The following INPP5F variants were observed in gnomAD, a reference collection of about 807,000 sequenced individuals.
The protein encoded by INPP5F is phosphatidylinositide 4-phosphatase SAC2.
A neutral mutation model predicts 137.2 loss-of-function variants in INPP5F; 97 were observed. The observed-to-expected ratio is 0.71, with a 90% CI of 0.60 to 0.84. The LOEUF is 0.84. Ranked by LOEUF, INPP5F falls within the 40% of genes least tolerant of loss-of-function variation. INPP5F has a pLI of 0.00. For synonymous variants in INPP5F, 504 were observed against 476.9 expected, an observed-to-expected ratio of 1.06 and a Z score of -0.74; for missense variants, 1,271 against 1,371.9, an observed-to-expected ratio of 0.93 and a Z score of 1.16.
At chr10:119,782,861 CAT>C (rs1403180125) in intron 3 of INPP5F, among the ~76,000 whole-genome samples, 5 of 152,102 alleles carry the variant, frequency 3.3e-5, no homozygotes, top group African/African-American at 7.2e-5. Context: ...CAACTCAACA[CAT>C]GTTTTTCCAT....
intron 1 of INPP5F, among the ~76,000 whole-genome samples, chr10:119,734,566 C>T (rs55921462): frequency 0.021 from 3,225 of 152,226 alleles, 53 homozygotes; most frequent in Middle Eastern, 0.068. Flanking sequence ...AACTCCTGGC[C>T]TCAAGCAGTC....
Position 119,827,679 on chromosome 10 carries a change from G to A in INPP5F, c.3298G>A (p.Val1100Ile). The change falls in exon 20 of 20, where the codon GTT becomes ATT. Residue 1100 changes from valine to isoleucine, a missense_variant. Around this residue, in one of 6 missense-constraint regions of INPP5F, gnomAD observed 490 missense variants for 443.7 expected, o/e 1.10. Transcript: ENST00000650623. ...TGGGATAAACTTTGCAGTGTCAAAA[G>A]TTCAGAAGAGTCCTCCAGAACCTGA... is the stretch of plus-strand genomic sequence containing the variant. ...THGINFAVSK[V>I]QKSPPEPEII... 1 of 1,614,124 alleles carries A rather than the reference G, an allele frequency of 6.2e-7. No individual in the cohort carries two copies. The highest frequency in any genetic ancestry group is 8.5e-7 in the Non-Finnish European group (1 of 1,179,958).
chr10:119,807,912 C>T lies in INPP5F; in HGVS notation c.1441-20C>T, dbSNP rs754633806. The T allele has an allele frequency of 2.8e-5, 44 of 1,596,198 alleles. 1 individual carries two copies. The highest frequency in any genetic ancestry group is 3.6e-5 in the Non-Finnish European group (42 of 1,171,460). On this transcript the variant is annotated intron_variant, in intron 12 of 19. Transcript: ENST00000650623. ...TTTCCTGGCCCATATACAGTTAATC[C>T]ACCAATGTGTTCATTTTAGCTGAAA...
intron 2 of INPP5F, among the ~76,000 whole-genome samples, chr10:119,774,941 A>T (rs1425728443): frequency 6.6e-6 from 1 of 152,134 alleles, no homozygotes; most frequent in Non-Finnish European, 1.5e-5. Context: ...AGCATATAGT[A>T]AAGGCTCGAT....
At chr10:119,795,003 T>C (rs1335873913) in intron 6 of INPP5F, among the ~76,000 whole-genome samples, 10 of 78,016 alleles carry the variant, frequency 1.3e-4, no homozygotes, top group Admixed American at 3.9e-4. Context: ...ACTTCCCGGA[T>C]GGGGCGGCTG....
intron 1 of INPP5F, among the ~76,000 whole-genome samples, chr10:119,735,949 G>A (rs576851481): frequency 1.3e-5 from 2 of 152,232 alleles, no homozygotes; most frequent in African/African-American, 2.4e-5. Context: ...GGCCAACATG[G>A]TGAAACACTG....
At chr10:119,763,524 G>T (rs1049976009) in intron 2 of INPP5F, among the ~76,000 whole-genome samples, 1 of 152,176 alleles carries the variant, frequency 6.6e-6, no homozygotes, top group East Asian at 1.9e-4. Context: ...TAAAACCCAG[G>T]AAGACTGATA....
intron 1 of INPP5F, among the ~76,000 whole-genome samples, chr10:119,746,783 A>ATTT (rs35906079): frequency 7.0e-6 from 1 of 142,726 alleles, no homozygotes; most frequent in Non-Finnish European, 1.5e-5. Flanking sequence ...AAGCAGCCAA[A>ATTT]TTTTTTTTTT....
chr10:119,730,776 G>A (rs1200338364), intron 1 of INPP5F, among the ~76,000 whole-genome samples: 1 of 137,520 alleles, frequency 7.3e-6, no homozygotes, highest in Non-Finnish European at 1.5e-5. Flanking sequence ...TACTCTAAGT[G>A]ATGAATCCCA....
intron 2 of INPP5F, among the ~76,000 whole-genome samples, chr10:119,759,289 G>C (rs539096732): frequency 6.6e-6 from 1 of 152,300 alleles, no homozygotes; most frequent in East Asian, 1.9e-4. Flanking sequence ...TCAAAGTGCT[G>C]GGATTACACA....
chr10:119,787,471 G>A lies in INPP5F; in HGVS notation c.316-4046G>A, dbSNP rs901566628. ...ATGATGGCATGTGCCTCAGCTACTCGGGAGGCTAAGGTGGAAGAACCGCTT... is the reference window on the plus strand; with the variant it reads ...ATGATGGCATGTGCCTCAGCTACTCAGGAGGCTAAGGTGGAAGAACCGCTT... On this transcript the variant is annotated intron_variant, in intron 3 of 19. Transcript: ENST00000650623. The surrounding 1 kb of genome is among the most constrained non-coding windows in gnomAD (Gnocchi z 4.1). Among the ~76,000 whole-genome samples, 3 of 152,090 alleles carry A rather than the reference G, an allele frequency of 2.0e-5. No homozygotes were observed. Among genetic ancestry groups the A allele is most frequent in the African/African-American group, 7.2e-5 (3 of 41,392 alleles).
intron 9 of INPP5F, among the ~76,000 whole-genome samples, chr10:119,800,360 C>G (rs940676558): frequency 6.7e-6 from 1 of 150,086 alleles, no homozygotes; most frequent in African/African-American, 2.4e-5. Context: ...TTGAGACCAC[C>G]CTGGTCAGCA....
chr10:119,769,424 G>C (rs1849271493), intron 2 of INPP5F, among the ~76,000 whole-genome samples: 1 of 152,104 alleles, frequency 6.6e-6, no homozygotes, highest in Non-Finnish European at 1.5e-5. Flanking sequence ...CACACCACCG[G>C]ATCTGGCAGT....
chr10:119,798,706 A>C (rs1850476423), intron 9 of INPP5F, 96 bp downstream of exon 9: 1 of 732,544 alleles, frequency 1.4e-6, no homozygotes, highest in Non-Finnish European at 2.2e-6. Context: ...ATTCAAAATT[A>C]AAGCATTTGT....
Position 119,808,514 on chromosome 10 carries a change from A to G in INPP5F, c.1569+454A>G, listed in dbSNP as rs144325812. Among the ~76,000 whole-genome samples the G allele has an allele frequency of 2.6e-4, 39 of 152,338 alleles. No homozygotes were observed. In the East Asian group the frequency reaches 3.3e-3, roughly 13 times the overall value. On this transcript the variant is annotated intron_variant, in intron 13 of 19. Coordinates refer to ENST00000650623, the MANE Select transcript of INPP5F (RefSeq NM_014937.4). ...AACCACTCTCATTTGTCACACAGGA[A>G]TTATACTAGACCTATTTCAAAAGAC... is the stretch of plus-strand genomic sequence containing the variant.
chr10:119,734,246 T>A (rs1053760382), intron 1 of INPP5F, among the ~76,000 whole-genome samples: 1 of 152,196 alleles, frequency 6.6e-6, no homozygotes, highest in African/African-American at 2.4e-5. Flanking sequence ...TTGTGATGTA[T>A]GGTGGAATTT....
At chr10:119,742,077 T>A (rs112912884) in intron 1 of INPP5F, among the ~76,000 whole-genome samples, 3,892 of 152,174 alleles carry the variant, frequency 0.026, 90 homozygotes, top group Non-Finnish European at 0.041. Context: ...CTCATTCTGG[T>A]CTCCCAAAAT....
chr10:119,743,002 A>AAAAG (rs758248514), intron 1 of INPP5F, among the ~76,000 whole-genome samples: 1 of 152,106 alleles, frequency 6.6e-6, no homozygotes, highest in Non-Finnish European at 1.5e-5. Context: ...GGCTAAGAAA[A>AAAAG]AAAGAAAGAA....
chr10:119,806,030 C>T (rs1850766994), intron 11 of INPP5F, among the ~76,000 whole-genome samples: 1 of 152,056 alleles, frequency 6.6e-6, no homozygotes, highest in African/African-American at 2.4e-5. Context: ...AAAGGAACAA[C>T]GGTGTTTTAA....
Sources: allele counts gnomAD v4.1 joint callset (sites outside exome capture counted in the v4.1 genomes callset), GRCh38; gene constraint gnomAD v4.1.1; regional missense constraint gnomAD v4.1.1; non-coding constraint Gnocchi (gnomAD v3.1); transcripts MANE v1.5; gene names NCBI Gene and HGNC (gene_info 2026-07-23, HGNC 2026-07-21).